DENND1B: variants seen among roughly 807,000 people sequenced by gnomAD.
DENND1B encodes DENN domain containing 1B, also known as DENN domain-containing protein 1B.
Under a neutral mutation model 90.1 loss-of-function variants are expected in DENND1B, and 59 were observed. The observed-to-expected ratio is 0.65, with a 90% CI of 0.53 to 0.81. The LOEUF is 0.81. DENND1B is among the 40% of genes least tolerant of loss of function. DENND1B has a pLI of 0.00. For synonymous variants in DENND1B, 337 were observed against 324.6 expected (o/e 1.04, Z -0.41); for missense variants, 862 against 912.6 (o/e 0.94, Z 0.71).
chr1:197,674,218 T>A (rs1417837014), intron 3 of DENND1B, 49 bp from the exon 4 acceptor site: 1 of 1,406,570 alleles, frequency 7.1e-7, no homozygotes, highest in African/African-American at 1.5e-5. Flanking sequence ...GAATATTTTT[T>A]AAGAAGCAGT....
intron 15 of DENND1B, among the ~76,000 whole-genome samples, chr1:197,575,446 G>C (rs1673584605): frequency 6.6e-6 from 1 of 152,176 alleles, no homozygotes; most frequent in East Asian, 1.9e-4. Flanking sequence ...ATGCTGGAGA[G>C]AATGTGGAGA....
intron 5 of DENND1B, among the ~76,000 whole-genome samples, chr1:197,667,815 C>T (rs1195244543): frequency 6.7e-6 from 1 of 150,164 alleles, no homozygotes; most frequent in African/African-American, 2.5e-5. Flanking sequence ...ACATATTTTA[C>T]CTGGTAATAT....
chr1:197,746,331 G>C (rs1188181979), intron 2 of DENND1B, among the ~76,000 whole-genome samples: 1 of 152,200 alleles, frequency 6.6e-6, no homozygotes, highest in African/African-American at 2.4e-5. Flanking sequence ...GGAGGCAATG[G>C]TTGCAGTGAG....
intron 2 of DENND1B, chr1:197,736,075 A>G (rs1018523513): frequency 2.4e-6 from 2 of 828,910 alleles, no homozygotes; most frequent in South Asian, 2.9e-5. Flanking sequence ...GAAGCCCGTG[A>G]AAGTTTCAGT....
intron 17 of DENND1B, 51 bp from the exon 18 acceptor site, chr1:197,546,041 C>A: frequency 6.8e-7 from 1 of 1,480,780 alleles, no homozygotes; most frequent in South Asian, 1.3e-5. Flanking sequence ...GCTAAAATAT[C>A]CTGAAAACAA....
chr1:197,636,229 C>T (rs78501943), intron 10 of DENND1B, among the ~76,000 whole-genome samples: 3,777 of 151,992 alleles, frequency 0.025, 157 homozygotes, highest in African/African-American at 0.086. Flanking sequence ...AAGATAAGTG[C>T]TAGCCCTAAA....
At chr1:197,773,565 C>A (rs909969046) in intron 1 of DENND1B, among the ~76,000 whole-genome samples, 4 of 152,352 alleles carry the variant, frequency 2.6e-5, no homozygotes, top group African/African-American at 9.6e-5. Context: ...AGGCTAGCAA[C>A]ATAAAAAGCC....
rs1016414046 is a variant in DENND1B, at chr1:197,735,001, G to A, written c.83-19927C>T. The stretch of plus-strand genomic sequence containing the variant: ...GAACACAGTGGATAAGTAAGAACTG[G>A]CAGAAAATGTTAAATATTTCATTCC... On this transcript the variant is annotated intron_variant, in intron 2 of 22. Transcript: ENST00000620048. The A allele has an allele frequency of 7.1e-6, 7 of 985,584 alleles. No homozygotes were observed. In the African/African-American group the frequency reaches 1.2e-4, roughly 17 times the overall value. The allele number at this position is 985,584 out of a possible 1,614,324, so 61.1% of individuals were successfully genotyped here.
At chr1:197,715,211 G>T (rs1660534124) in intron 2 of DENND1B, 137 bp from the exon 3 acceptor site, 1 of 550,212 alleles carries the variant, frequency 1.8e-6, no homozygotes, top group South Asian at 3.4e-5. Flanking sequence ...ATTTATAGTT[G>T]ATGACATTCA....
rs71569514 is a variant in DENND1B at position 197,668,863 on chromosome 1, A to AT, written c.296+3173dup. Among the ~76,000 whole-genome samples the AT allele has an allele frequency of 4.0e-5, 6 of 151,832 alleles. No homozygotes were observed. The East Asian group carries it at 1.2e-3, about 29-fold the overall frequency. On this transcript the variant is annotated intron_variant, in intron 5 of 22. Transcript: ENST00000620048. ...AAATTTTCCTTCAAAAGCTTATACC[A>AT]TTTTTTAGTCCTACAAACAGCACAT...
chr1:197,648,436 G>A (rs937689149), intron 7 of DENND1B, among the ~76,000 whole-genome samples: 1 of 151,948 alleles, frequency 6.6e-6, no homozygotes, highest in Non-Finnish European at 1.5e-5. Context: ...TTCAATAGCT[G>A]GTTTTTTTGA....
chr1:197,540,867 G>A, intron 19 of DENND1B, 92 bp downstream of exon 19: 1 of 1,205,214 alleles, frequency 8.3e-7, no homozygotes, highest in Non-Finnish European at 1.2e-6. Context: ...TATTTCAAAT[G>A]TCATTAAAAA....
At chr1:197,740,351 C>G (rs993517907) in intron 2 of DENND1B, among the ~76,000 whole-genome samples, 3 of 151,920 alleles carry the variant, frequency 2.0e-5, no homozygotes, top group Non-Finnish European at 4.4e-5. Context: ...GGGATTTGAG[C>G]CAGTTATATG....
chr1:197,517,357 T>C (rs1558193033), intron 20 of DENND1B, among the ~76,000 whole-genome samples: 1 of 151,854 alleles, frequency 6.6e-6, no homozygotes, highest in Non-Finnish European at 1.5e-5. Context: ...GTCCTGCAAG[T>C]TCAAGGTCTG....
chr1:197,690,123 GT>G (rs1657705531), intron 3 of DENND1B: 5 of 248,082 alleles, frequency 2.0e-5, no homozygotes, highest in Non-Finnish European at 4.0e-5. Flanking sequence ...TACAACTGAA[GT>G]AGAGTCTGTT....
intron 5 of DENND1B, among the ~76,000 whole-genome samples, chr1:197,664,799 A>G (rs897654750): frequency 1.3e-5 from 2 of 152,066 alleles, no homozygotes; most frequent in Non-Finnish European, 2.9e-5. Flanking sequence ...TTCTGCTTCT[A>G]AGGGATTTGC....
intron 3 of DENND1B, among the ~76,000 whole-genome samples, chr1:197,707,751 C>G (rs1033108340): frequency 6.7e-6 from 1 of 148,546 alleles, no homozygotes; most frequent in Non-Finnish European, 1.5e-5. Context: ...GGAACAGCTC[C>G]GGTCTACAGC....
rs918355195 is a variant in DENND1B, at chr1:197,508,808, T to C, written c.*1652A>G. On this transcript the variant is annotated 3_prime_UTR_variant, in exon 23 of 23. Transcript: ENST00000620048. ...ATACTATCACTGCTTTTTTCCCTGATTGTGCCTGGTAATCTAGTCTATCAT... is the reference window on the plus strand; with the variant it reads ...ATACTATCACTGCTTTTTTCCCTGACTGTGCCTGGTAATCTAGTCTATCAT... 2 of 151,806 alleles carry C rather than the reference T, an allele frequency of 1.3e-5. No homozygotes were observed. The highest frequency in any genetic ancestry group is 2.9e-5 in the Non-Finnish European group (2 of 67,828). The allele number at this position is 151,806 out of a possible 1,614,324, so 9.4% of individuals were successfully genotyped here.
At chr1:197,698,704 C>G (rs941291775) in intron 3 of DENND1B, among the ~76,000 whole-genome samples, 1 of 151,778 alleles carries the variant, frequency 6.6e-6, no homozygotes, top group Non-Finnish European at 1.5e-5. Context: ...ATCATACAGA[C>G]ACAATGAAAA....
Sources: allele counts gnomAD v4.1 joint callset (sites outside exome capture counted in the v4.1 genomes callset), GRCh38; gene constraint gnomAD v4.1.1; transcripts MANE v1.5; gene names NCBI Gene and HGNC (gene_info 2026-07-23, HGNC 2026-07-21).